Variants in ITPR2 observed in about 807,000 individuals in gnomAD.
ITPR2 encodes the protein inositol 1,4,5-trisphosphate-gated calcium channel ITPR2.
In ITPR2, 207 loss-of-function variants were observed where a neutral mutation model predicts 317.1. The ratio of observed to expected loss-of-function variants is 0.65; its 90% confidence interval spans 0.58 to 0.73. The LOEUF is 0.73. Ranked by LOEUF, ITPR2 falls within the 30% of genes least tolerant of loss-of-function variation. ITPR2 has a pLI of 0.00. For missense variants in ITPR2, 2,613 were observed against 3,284.0 expected (o/e 0.80, Z 4.99); for synonymous variants, 1,156 against 1,149.1 (o/e 1.01, Z -0.12).
chr12:26,410,589 C>T (rs1333520508), intron 52 of ITPR2, among the ~76,000 whole-genome samples: 2 of 152,160 alleles, frequency 1.3e-5, no homozygotes, highest in East Asian at 3.9e-4. Flanking sequence ...TCTGTAGATA[C>T]AACACATCAA....
intron 34 of ITPR2, among the ~76,000 whole-genome samples, chr12:26,573,206 C>G (rs967762188): frequency 6.6e-6 from 1 of 151,860 alleles, no homozygotes; most frequent in Non-Finnish European, 1.5e-5. Context: ...TTTTGGCCTC[C>G]CAAAGTGCTG....
At chr12:26,388,628 A>G (rs1939737766) in intron 54 of ITPR2, among the ~76,000 whole-genome samples, 1 of 151,380 alleles carries the variant, frequency 6.6e-6, no homozygotes, top group African/African-American at 2.4e-5. Flanking sequence ...TAATTTTTGT[A>G]TCTTTTTTTT....
intron 55 of ITPR2, among the ~76,000 whole-genome samples, chr12:26,340,577 C>G (rs747026017): frequency 6.6e-6 from 1 of 152,076 alleles, no homozygotes; most frequent in Non-Finnish European, 1.5e-5. Context: ...ATTTAGAAAG[C>G]ACCGTGAAGG....
chr12:26,595,405 C>T, intron 32 of ITPR2, 60 bp downstream of exon 32: 2 of 1,507,542 alleles, frequency 1.3e-6, no homozygotes, highest in South Asian at 1.2e-5. Flanking sequence ...CATCCAGATG[C>T]TTAATACTAT....
chr12:26,552,063 C>T (rs1385342), intron 36 of ITPR2, among the ~76,000 whole-genome samples: 9,926 of 152,026 alleles, frequency 0.065, 414 homozygotes, highest in African/African-American at 0.11. Context: ...TGAGGACGTA[C>T]GAAGCAACAG....
At chr12:26,747,203 T>C (rs764561853) in intron 2 of ITPR2, among the ~76,000 whole-genome samples, 2 of 152,224 alleles carry the variant, frequency 1.3e-5, no homozygotes, top group Non-Finnish European at 2.9e-5. Flanking sequence ...CCTTGCTTTC[T>C]CCTTCTTTCC....
Position 26,494,345 on chromosome 12 carries a change from G to A in ITPR2, c.5183-5C>T. The A allele has an allele frequency of 1.9e-6, 3 of 1,585,204 alleles. No individual in the cohort carries two copies. Among genetic ancestry groups the A allele is most frequent in the East Asian group, 4.6e-5 (2 of 43,466 alleles). Reference sequence around the variant, plus strand: ...AATCTTGTCCAGAAAAGCTTCCTGTGATTGGGAAAAATAAATAAATAAACC... The same window carrying A: ...AATCTTGTCCAGAAAAGCTTCCTGTAATTGGGAAAAATAAATAAATAAACC... On this transcript the variant is annotated splice_region_variant and splice_polypyrimidine_tract_variant and intron_variant, in intron 38 of 56. Coordinates refer to ENST00000381340, the MANE Select transcript of ITPR2 (RefSeq NM_002223.4).
intron 32 of ITPR2, among the ~76,000 whole-genome samples, chr12:26,594,039 A>G (rs1013325965): frequency 1.3e-5 from 2 of 152,112 alleles, no homozygotes; most frequent in Non-Finnish European, 2.9e-5. Flanking sequence ...CATGGAAGTC[A>G]CTCCTTACTT....
rs145735264 is a variant in ITPR2, at chr12:26,449,308, A to G, written c.6343-5658T>C. 5.1e-4 allele frequency among the ~76,000 whole-genome samples: 77 copies of G among 152,284 alleles called. 2 individuals carry two copies. Among genetic ancestry groups the G allele is most frequent in the African/African-American group, 1.7e-3 (72 of 41,564 alleles). On this transcript the variant is annotated intron_variant, in intron 45 of 56. Coordinates refer to ENST00000381340, the MANE Select transcript of ITPR2 (RefSeq NM_002223.4). ...TCATGTCAAACACTACTCCTATTTG[A>G]AGCAGAGAGAAATCAGCAGAAGGGG... is the stretch of plus-strand genomic sequence containing the variant.
intron 55 of ITPR2, among the ~76,000 whole-genome samples, chr12:26,357,556 G>A (rs11048480): frequency 6.6e-6 from 1 of 152,214 alleles, no homozygotes; most frequent in Admixed American, 6.5e-5. Context: ...TTCTGTTATA[G>A]CAAATTATTG....
rs1387297583 is a variant in ITPR2 at position 26,518,727 on chromosome 12, A to G, written c.5074-23467T>C. On this transcript the variant is annotated intron_variant, in intron 37 of 56. Coordinates refer to ENST00000381340, the MANE Select transcript of ITPR2 (RefSeq NM_002223.4). ...AGAAATACAAACAGAACTAATTTTT[A>G]AATTTTTAAAATTTAACAATTTTTT... Among the ~76,000 whole-genome samples the G allele has an allele frequency of 2.0e-5, 3 of 152,160 alleles. No homozygotes were observed. The East Asian group carries it at 5.8e-4, about 29-fold the overall frequency.
intron 1 of ITPR2, among the ~76,000 whole-genome samples, chr12:26,807,116 G>C (rs955698312): frequency 1.3e-5 from 2 of 151,924 alleles, no homozygotes; most frequent in African/African-American, 4.8e-5. Context: ...TTGAACCTGG[G>C]AGGTGGAGGT....
At chr12:26,589,846 A>C (rs1945650177) in intron 32 of ITPR2, among the ~76,000 whole-genome samples, 2 of 40,084 alleles carry the variant, frequency 5.0e-5, no homozygotes, top group Non-Finnish European at 1.0e-4. Context: ...ATATATATAT[A>C]TATATATACA....
chr12:26,701,601 A>ACAT (rs1948447190), intron 9 of ITPR2, among the ~76,000 whole-genome samples: 1 of 152,164 alleles, frequency 6.6e-6, no homozygotes, highest in South Asian at 2.1e-4. Flanking sequence ...ATTTATGTAT[A>ACAT]CATATACATG....
intron 55 of ITPR2, among the ~76,000 whole-genome samples, chr12:26,386,797 C>T (rs772741868): frequency 4.6e-5 from 7 of 152,144 alleles, no homozygotes; most frequent in African/African-American, 9.7e-5. Context: ...ATTTCCCTTT[C>T]GGGCCAATTT....
chr12:26,465,145 A>G (rs933940742), intron 45 of ITPR2, among the ~76,000 whole-genome samples: 67 of 152,228 alleles, frequency 4.4e-4, no homozygotes, highest in African/African-American at 1.6e-3. Context: ...GGTTCTGACT[A>G]GAAGACCTCT....
chr12:26,355,916 G>A (rs16930528), intron 55 of ITPR2, among the ~76,000 whole-genome samples: 6,844 of 152,238 alleles, frequency 0.045, 476 homozygotes, highest in African/African-American at 0.15. Flanking sequence ...GCACTGAAGA[G>A]ACCTTGCATT....
chr12:26,608,770 A>C (rs1291017651), intron 26 of ITPR2, among the ~76,000 whole-genome samples: 1 of 144,520 alleles, frequency 6.9e-6, no homozygotes, highest in Non-Finnish European at 1.5e-5. Context: ...TTTGACACTA[A>C]AGTTTACTTT....
At chr12:26,717,395 T>C (rs1057372183) in intron 5 of ITPR2, among the ~76,000 whole-genome samples, 12 of 152,336 alleles carry the variant, frequency 7.9e-5, no homozygotes, top group Admixed American at 5.2e-4. Context: ...TGTCACAAAC[T>C]ATATCTGGCG....
Sources: gnomAD v4.1 joint callset for allele counts (sites outside exome capture counted in the v4.1 genomes callset) on GRCh38, gnomAD v4.1.1 for gene constraint, MANE v1.5 for transcripts, NCBI Gene and HGNC (gene_info 2026-07-23, HGNC 2026-07-21) for gene names.